Variants in FBXO42 observed in about 807,000 individuals in gnomAD.
FBXO42 encodes F-box protein 42.
FBXO42 carries 12 observed loss-of-function variants against 71.7 expected under a neutral mutation model. That is an observed-to-expected ratio of 0.17 (90% CI 0.11 to 0.27). FBXO42 has a LOEUF of 0.27. Among genes scored for constraint, FBXO42 ranks in the 10% least tolerant of loss-of-function variants. The pLI, the probability that FBXO42 is intolerant of heterozygous loss-of-function variation, is 1.00. For missense variants in FBXO42, 707 were observed against 911.9 expected (o/e 0.78, Z 2.89); for synonymous variants, 325 against 327.5 (o/e 0.99, Z 0.08).
At chr1:16,317,906 T>C (rs74371582) in intron 1 of FBXO42, among the ~76,000 whole-genome samples, 3,519 of 149,644 alleles carry the variant, frequency 0.024, 135 homozygotes, top group African/African-American at 0.082. Context: ...GCAACCGAGT[T>C]AGACCATGTC....
chr1:16,303,895 G>A (rs2082222995), intron 3 of FBXO42, among the ~76,000 whole-genome samples: 1 of 151,958 alleles, frequency 6.6e-6, no homozygotes, highest in African/African-American at 2.4e-5. Flanking sequence ...ACAGGCGCCC[G>A]CCACCATGCC....
At position 16,251,100 on chromosome 1, in the gene FBXO42, G is replaced by A. The variant is rs140473252; in HGVS notation, c.1724C>T (p.Ala575Val). ...AGACCCAAGAGGAGGACTTAGTGCT[G>A]CAGAGGCCGAGGGGCCTTTGGAGGA... is the stretch of plus-strand genomic sequence containing the variant. ...AMSSKGPSASAALSPPLGSSP... is the reference protein window; with the variant it reads ...AMSSKGPSASVALSPPLGSSP... Residue 575 changes from alanine (A) to valine (V), a missense_variant, in exon 10 of 10, where the codon GCA (alanine) becomes GTA (valine). Coordinates refer to ENST00000375592, the MANE Select transcript of FBXO42 (RefSeq NM_018994.3). This position sits in a 1 kb window ranked among gnomAD's most constrained non-coding sequence, Gnocchi z 4.5. The A allele has an allele frequency of 2.8e-4, 455 of 1,614,074 alleles. No homozygotes were observed. Among genetic ancestry groups the A allele is most frequent in the Non-Finnish European group, 3.5e-4 (411 of 1,180,062 alleles).
intron 3 of FBXO42, among the ~76,000 whole-genome samples, chr1:16,297,314 G>T (rs929368968): frequency 1.3e-5 from 2 of 151,960 alleles, no homozygotes; most frequent in African/African-American, 2.4e-5. Context: ...CGGTAAGAAG[G>T]CCAAGTCAGA....
intron 1 of FBXO42, among the ~76,000 whole-genome samples, chr1:16,345,847 CAA>C (rs34529034): frequency 5.0e-4 from 59 of 117,366 alleles, no homozygotes; most frequent in East Asian, 7.3e-4. Flanking sequence ...GACTCCGTCT[CAA>C]AAAAAAAAAA....
At chr1:16,349,952 C>T (rs567522499) in intron 1 of FBXO42, among the ~76,000 whole-genome samples, 1 of 152,296 alleles carries the variant, frequency 6.6e-6, no homozygotes, top group South Asian at 2.1e-4. Context: ...TAGCTTCTCC[C>T]TGGGACCTCA....
chr1:16,277,634 A>G (rs2081918531), intron 4 of FBXO42, among the ~76,000 whole-genome samples: 1 of 151,958 alleles, frequency 6.6e-6, no homozygotes, highest in African/African-American at 2.4e-5. Context: ...CTGAGGCAGA[A>G]GAATTGCTTG....
At chr1:16,351,389 G>A (rs1469043325) in intron 1 of FBXO42, among the ~76,000 whole-genome samples, 2 of 152,162 alleles carry the variant, frequency 1.3e-5, no homozygotes, top group African/African-American at 4.8e-5. Context: ...AGTAAAACTG[G>A]TAATGTGTCA....
chr1:16,311,487 CAAA>C (rs138051911), intron 2 of FBXO42, among the ~76,000 whole-genome samples: 1,425 of 110,628 alleles, frequency 0.013, 13 homozygotes, highest in African/African-American at 0.029. Context: ...GATCTTGTCT[CAAA>C]AAAAAAAAAA....
intron 4 of FBXO42, among the ~76,000 whole-genome samples, chr1:16,261,850 C>A (rs1569820085): frequency 6.6e-6 from 1 of 151,916 alleles, no homozygotes; most frequent in African/African-American, 2.4e-5. Flanking sequence ...ACTACAGGCA[C>A]CCCCCGCCAT....
chr1:16,279,888 C>T (rs1362747875), intron 4 of FBXO42, among the ~76,000 whole-genome samples: 1 of 124,922 alleles, frequency 8.0e-6, no homozygotes, highest in African/African-American at 3.3e-5. Flanking sequence ...GCTTTGTTGC[C>T]CAGGCTGGAG....
rs1553156680 is a variant in FBXO42, at chr1:16,350,753, A to AGAAAGAAAGAAAG, written c.-18+1501_-18+1502insCTTTCTTTCTTTC. Among the ~76,000 whole-genome samples, 191 of 28,816 alleles carry AGAAAGAAAGAAAG rather than the reference A, an allele frequency of 6.6e-3. 4 individuals are homozygous for AGAAAGAAAGAAAG. The highest frequency in any genetic ancestry group is 9.9e-3 in the Admixed American group (20 of 2,022). The allele number at this position is 28,816 out of a possible 152,430, so 18.9% of individuals were successfully genotyped here. A position where few individuals can be genotyped will look rare whatever the true frequency, so the allele number is the denominator to read the frequency against. On this transcript the variant is annotated intron_variant, in intron 1 of 9. Coordinates refer to ENST00000375592, the MANE Select transcript of FBXO42 (RefSeq NM_018994.3). ...CAGAGTGAGAAACTGCAAAAAAAAA[A>AGAAAGAAAGAAAG]AAAAAAAGAAAGAAAGAAAGAAAGA...
intron 6 of FBXO42, among the ~76,000 whole-genome samples, chr1:16,255,035 C>A (rs1474853462): frequency 6.6e-6 from 1 of 152,250 alleles, no homozygotes; most frequent in Non-Finnish European, 1.5e-5. Flanking sequence ...CAATCTCCCC[C>A]TCTTCTCCTC....
At chr1:16,331,708 C>G (rs746117922) in intron 1 of FBXO42, among the ~76,000 whole-genome samples, 5 of 151,308 alleles carry the variant, frequency 3.3e-5, no homozygotes, top group Non-Finnish European at 7.4e-5. Context: ...GAGCCGAGAT[C>G]GCACTACTGG....
In FBXO42 at chr1:16,255,826, T is replaced by G; in HGVS notation, c.657-5A>C. ...GTTGTCACAATGCAGTTCCACCTAATGTAAAAAGACAGGAGGAAGTCAAGA... is the reference window on the plus strand; with the variant it reads ...GTTGTCACAATGCAGTTCCACCTAAGGTAAAAAGACAGGAGGAAGTCAAGA... On this transcript the variant is annotated splice_polypyrimidine_tract_variant and splice_region_variant and intron_variant, in intron 5 of 9. Transcript: ENST00000375592. 7 of 1,606,464 alleles carry G rather than the reference T, an allele frequency of 4.4e-6. No homozygotes were observed. Among genetic ancestry groups the G allele is most frequent in the Non-Finnish European group, 6.0e-6 (7 of 1,175,732 alleles).
At chr1:16,290,877 T>G (rs1368759489) in intron 4 of FBXO42, among the ~76,000 whole-genome samples, 2 of 152,146 alleles carry the variant, frequency 1.3e-5, no homozygotes, top group Non-Finnish European at 2.9e-5. Context: ...AGCTACCCAG[T>G]CTATGGTATT....
chr1:16,292,899 C>A (rs1209229600), intron 4 of FBXO42: 2 of 152,130 alleles, frequency 1.3e-5, no homozygotes, highest in Non-Finnish European at 2.9e-5. Context: ...ATTTTAGAAT[C>A]CATAACTCAG....
At chr1:16,323,609 C>G (rs1569923773) in intron 1 of FBXO42, among the ~76,000 whole-genome samples, 1 of 150,558 alleles carries the variant, frequency 6.6e-6, no homozygotes, top group Admixed American at 6.7e-5. Flanking sequence ...CCAGCCTGGC[C>G]AATATGGTGA....
At chr1:16,311,519 T>G (rs1182972835) in intron 2 of FBXO42, among the ~76,000 whole-genome samples, 4 of 143,764 alleles carry the variant, frequency 2.8e-5, no homozygotes, top group Admixed American at 7.1e-5. Context: ...TATATATATA[T>G]ATATATATAC....
Position 16,315,214 on chromosome 1 carries a change from T to C in FBXO42, c.205A>G (p.Lys69Glu). 1 of 1,614,176 alleles carries C rather than the reference T, an allele frequency of 6.2e-7. No homozygotes were observed. The highest frequency in any genetic ancestry group is 1.3e-5 in the African/African-American group (1 of 75,060). The change falls in exon 2 of 10, where the codon AAA becomes GAA. Residue 69 changes from lysine (K) to glutamate (E), a missense_variant. Physicochemically the swap from Lys to Glu is moderately conservative, Grantham distance 56. This residue lies in a region of FBXO42 where 188 missense variants were observed against 230.5 expected (regional missense o/e 0.82). Transcript: ENST00000375592. ...TGTTTGCAGACAAGGGCCGCAGTTT[T>C]GTGTTCCTGATACGGTGAGAGAAAG... The part of the protein sequence containing the change: ...LSFLSPYQEH[K>E]TAALVCKQWY...
Sources: gnomAD v4.1 joint callset for allele counts (sites outside exome capture counted in the v4.1 genomes callset) on GRCh38, gnomAD v4.1.1 for gene constraint, gnomAD v4.1.1 regional missense constraint, Gnocchi (gnomAD v3.1) non-coding constraint, MANE v1.5 for transcripts, NCBI Gene and HGNC (gene_info 2026-07-23, HGNC 2026-07-21) for gene names.